Variants in LRRC37A2 observed in about 807,000 individuals in gnomAD.
LRRC37A2 encodes the protein leucine-rich repeat-containing protein 37A2.
LRRC37A2 carries 9 observed loss-of-function variants against 68.8 expected under a neutral mutation model. That is an observed-to-expected ratio of 0.13 (90% CI 0.08 to 0.23). LRRC37A2 has a LOEUF of 0.23. Ranked by LOEUF, LRRC37A2 falls within the 10% of genes least tolerant of loss-of-function variation. The pLI is 1.00. For missense variants in LRRC37A2, 168 were observed against 950.4 expected (o/e 0.18, Z 10.82); for synonymous variants, 63 against 367.6 (o/e 0.17, Z 9.48).
the LRRC37A2 span, among the ~76,000 whole-genome samples, chr17:46,775,584 G>C: frequency 8.6e-5 from 13 of 150,816 alleles, no homozygotes; most frequent in Non-Finnish European, 1.2e-4. Context: ...TTTTTCTAAA[G>C]AGAAAGAAGC....
the LRRC37A2 span, among the ~76,000 whole-genome samples, chr17:46,580,404 C>T: frequency 6.6e-6 from 1 of 150,902 alleles, no homozygotes; most frequent in Non-Finnish European, 1.5e-5. Context: ...ATCTATTAAA[C>T]ATATACTATG....
chr17:46,990,674 C>CTT, the LRRC37A2 span, among the ~76,000 whole-genome samples: 15 of 149,500 alleles, frequency 1.0e-4, no homozygotes, highest in South Asian at 2.1e-4. Flanking sequence ...ACACAAAATG[C>CTT]TTTTTTTTTT....
chr17:46,950,432 A>G, the LRRC37A2 span, among the ~76,000 whole-genome samples: 3 of 152,184 alleles, frequency 2.0e-5, no homozygotes, highest in Non-Finnish European at 4.4e-5. Flanking sequence ...TAAGTGTATG[A>G]TCAGTGCCAG....
chr17:46,784,798 T>C, the LRRC37A2 span, among the ~76,000 whole-genome samples: 8 of 138,774 alleles, frequency 5.8e-5, no homozygotes, highest in South Asian at 2.3e-4. Context: ...TTTTTTGAGA[T>C]GGAGTCTCGC....
the LRRC37A2 span, among the ~76,000 whole-genome samples, chr17:46,893,351 G>A: frequency 1.3e-3 from 204 of 152,298 alleles, 2 homozygotes; most frequent in South Asian, 0.019. Flanking sequence ...TGTAGTTTCA[G>A]CTTGGGGTCC....
the LRRC37A2 span, among the ~76,000 whole-genome samples, chr17:47,003,282 C>T: frequency 6.6e-6 from 1 of 151,336 alleles, no homozygotes; most frequent in African/African-American, 2.4e-5. Flanking sequence ...CCATGACCAC[C>T]CTGACCCTGA....
chr17:46,773,320 T>C, the LRRC37A2 span, among the ~76,000 whole-genome samples: 1 of 152,060 alleles, frequency 6.6e-6, no homozygotes, highest in South Asian at 2.1e-4. Flanking sequence ...GTGGCAATGC[T>C]CTCACCCCCA....
the LRRC37A2 span, among the ~76,000 whole-genome samples, chr17:46,850,662 T>C: frequency 6.6e-6 from 1 of 152,244 alleles, no homozygotes; most frequent in Non-Finnish European, 1.5e-5. Context: ...ATTGGTTGTA[T>C]GTCTCCTTTC....
At chr17:46,857,914 A>G in the LRRC37A2 span, among the ~76,000 whole-genome samples, 1 of 131,968 alleles carries the variant, frequency 7.6e-6, no homozygotes, top group African/African-American at 3.3e-5. Flanking sequence ...AGAGTTCTTT[A>G]TGTATTTTGT....
rs1465528981 is a variant in LRRC37A2, at chr17:46,530,103, GCTGGTCTCAAACTC to G, written c.2906+6224_2906+6237del. Among the ~76,000 whole-genome samples the G allele has an allele frequency of 1.1e-3, 164 of 142,718 alleles. 5 individuals are homozygous for G. The Middle Eastern group carries it at 0.021, about 18-fold the overall frequency. 93.6% of individuals were successfully genotyped at this position (142,718 alleles called of 152,430 possible). A position where few individuals can be genotyped will look rare whatever the true frequency, so the allele number is the denominator to read the frequency against. On this transcript the variant is annotated intron_variant, in intron 6 of 14. Transcript: ENST00000576629. ...AACAGGGTCTCACTTTGTTACCCAG[GCTGGTCTCAAACTC>G]CTGGGCTCAAGCTTTCCTTCTGCTT... is the stretch of plus-strand genomic sequence containing the variant.
chr17:46,769,453 A>G, the LRRC37A2 span, among the ~76,000 whole-genome samples: 1 of 152,222 alleles, frequency 6.6e-6, no homozygotes, highest in African/African-American at 2.4e-5. Context: ...TGGAGGCTGA[A>G]TTCAAAGCCA....
At chr17:46,871,641 C>T in the LRRC37A2 span, among the ~76,000 whole-genome samples, 1 of 152,204 alleles carries the variant, frequency 6.6e-6, no homozygotes, top group African/African-American at 2.4e-5. Context: ...GAGAAGATCA[C>T]TCTGCCCAGT....
chr17:46,493,766 T>C, the LRRC37A2 span, among the ~76,000 whole-genome samples: 1 of 149,642 alleles, frequency 6.7e-6, no homozygotes, highest in African/African-American at 2.5e-5. Flanking sequence ...CTTGATCTCC[T>C]GACCTTGTGA....
chr17:46,798,824 T>A, the LRRC37A2 span, among the ~76,000 whole-genome samples: 1 of 151,924 alleles, frequency 6.6e-6, no homozygotes, highest in Non-Finnish European at 1.5e-5. Flanking sequence ...CCAAGGCGGG[T>A]GGATCACGAG....
At chr17:46,455,613 A>G in the LRRC37A2 span, among the ~76,000 whole-genome samples, 3 of 105,296 alleles carry the variant, frequency 2.8e-5, no homozygotes, top group African/African-American at 6.8e-5. Flanking sequence ...TCTTAAAGAT[A>G]TACTTTTTAA....
chr17:47,000,602 A>G, the LRRC37A2 span, among the ~76,000 whole-genome samples: 7 of 151,476 alleles, frequency 4.6e-5, no homozygotes, highest in African/African-American at 1.7e-4. Flanking sequence ...ATGTCTCTCT[A>G]CTCCTCAATT....
At chr17:46,386,059 TCTGA>T in the LRRC37A2 span, among the ~76,000 whole-genome samples, 761 of 123,650 alleles carry the variant, frequency 6.2e-3, no homozygotes, top group African/African-American at 0.018. Context: ...AATTAGGTAC[TCTGA>T]CTGACCTTCC....
At chr17:46,994,250 T>TG in the LRRC37A2 span, among the ~76,000 whole-genome samples, 67 of 152,024 alleles carry the variant, frequency 4.4e-4, no homozygotes, top group African/African-American at 5.8e-4. Flanking sequence ...CCAGGTGTGG[T>TG]GGGGGGCGCC....
the LRRC37A2 span, among the ~76,000 whole-genome samples, chr17:46,843,048 A>G: frequency 2.0e-5 from 3 of 152,322 alleles, no homozygotes; most frequent in South Asian, 6.2e-4. Context: ...CCTATTGGAG[A>G]CATGTGGTAT....
Sources: gnomAD v4.1 joint callset for allele counts (sites outside exome capture counted in the v4.1 genomes callset) on GRCh38, gnomAD v4.1.1 for gene constraint, MANE v1.5 for transcripts, NCBI Gene and HGNC (gene_info 2026-07-23, HGNC 2026-07-21) for gene names.